Variants in CYB5RL observed in about 807,000 individuals in gnomAD.
CYB5RL encodes the protein cytochrome b5 reductase like, also known as NADH-cytochrome b5 reductase-like.
CYB5RL carries 38 observed loss-of-function variants against 37.5 expected under a neutral mutation model. The observed-to-expected ratio is 1.01, with a 90% CI of 0.78 to 1.33. The LOEUF (loss-of-function observed/expected upper bound fraction) is 1.33, where lower values mean the gene tolerates loss of function less well. Ranked by LOEUF, CYB5RL falls within the 40% of genes most tolerant of loss-of-function variation. CYB5RL has a pLI of 0.00. For synonymous variants in CYB5RL, 141 were observed against 151.9 expected (o/e 0.93, Z 0.53); for missense variants, 388 against 394.4 (o/e 0.98, Z 0.14).
intron 6 of CYB5RL, chr1:54,180,098 G>A (rs1416050306): frequency 2.5e-5 from 11 of 439,150 alleles, no homozygotes; most frequent in South Asian, 8.2e-5. Context: ...TTAGCCAAGC[G>A]TGGTGGTGCA....
chr1:54,183,449 G>A (rs541959141), intron 6 of CYB5RL, among the ~76,000 whole-genome samples: 7 of 152,304 alleles, frequency 4.6e-5, no homozygotes, highest in African/African-American at 1.2e-4. Context: ...AATTCTTACT[G>A]GGAAAGTCGG....
chr1:54,189,649 G>A (rs1444417693), intron 4 of CYB5RL, among the ~76,000 whole-genome samples: 1 of 152,206 alleles, frequency 6.6e-6, no homozygotes. Context: ...AGAGGGTGAA[G>A]GAGGGGAGCC....
chr1:54,179,905 T>C (rs1249669445), intron 6 of CYB5RL: 1 of 453,378 alleles, frequency 2.2e-6, no homozygotes, highest in African/African-American at 2.0e-5. Flanking sequence ...TGAAATAATA[T>C]GCATAAGCAT....
Position 54,174,425 on chromosome 1 carries a change from G to A in CYB5RL, c.*194C>T. ...CCATCCTCCTTCTACATAGTAGGAG[G>A]CCAGGAGGAGTGATTAACCTCATGG... is the stretch of plus-strand genomic sequence containing the variant. On this transcript the variant is annotated 3_prime_UTR_variant, in exon 8 of 8. Coordinates refer to ENST00000534324, the MANE Select transcript of CYB5RL (RefSeq NM_001031672.4). 3 of 634,906 alleles carry A rather than the reference G, an allele frequency of 4.7e-6. No homozygotes were observed. The highest frequency in any genetic ancestry group is 8.2e-6 in the Non-Finnish European group (3 of 368,046). 39.3% of individuals were successfully genotyped at this position (634,906 alleles called of 1,614,324 possible).
intron 3 of CYB5RL, among the ~76,000 whole-genome samples, chr1:54,191,942 G>A (rs1643958173): frequency 6.6e-6 from 1 of 152,148 alleles, no homozygotes; most frequent in South Asian, 2.1e-4. Flanking sequence ...CATATCAATT[G>A]ATCCTCTGGG....
intron 7 of CYB5RL, among the ~76,000 whole-genome samples, chr1:54,177,916 T>C (rs978761368): frequency 2.0e-4 from 30 of 152,106 alleles, no homozygotes; most frequent in African/African-American, 7.2e-4. Flanking sequence ...GGCCAGCAGC[T>C]TGGGGACCCT....
chr1:54,190,651 A>C, intron 4 of CYB5RL, 97 bp downstream of exon 4: 4 of 1,457,304 alleles, frequency 2.7e-6, no homozygotes, highest in Non-Finnish European at 3.7e-6. Flanking sequence ...TGACAAATGG[A>C]GGCTTAAGGG....
At chr1:54,185,223 A>T (rs1400801587) in intron 5 of CYB5RL, 1 of 152,240 alleles carries the variant, frequency 6.6e-6, no homozygotes, top group Non-Finnish European at 1.5e-5. Context: ...AACTAGGAAT[A>T]AACCTGAGAA....
Position 54,195,692 on chromosome 1 carries a change from C to A in CYB5RL, c.-76G>T. On this transcript the variant is annotated 5_prime_UTR_variant, in exon 3 of 8. Coordinates refer to ENST00000534324, the MANE Select transcript of CYB5RL (RefSeq NM_001031672.4). ...AGGCCAGGCTCTATGAGACCACGGG[C>A]GCAGGCCCTGCTCCTTGGCCAGCCT... 6.7e-7 allele frequency: 1 copy of A among 1,486,378 alleles called. No homozygotes were observed. Among genetic ancestry groups the A allele is most frequent in the Non-Finnish European group, 9.0e-7 (1 of 1,107,858 alleles). The allele number at this position is 1,486,378 out of a possible 1,614,324, so 92.1% of individuals were successfully genotyped here.
At chr1:54,199,309 C>G (rs1463027390) in intron 1 of CYB5RL, among the ~76,000 whole-genome samples, 1 of 152,220 alleles carries the variant, frequency 6.6e-6, no homozygotes, top group East Asian at 1.9e-4. Flanking sequence ...AACCCTTGCA[C>G]TCACTGAGCT....
At position 54,198,027 on chromosome 1, in the gene CYB5RL, CA is replaced by C. The variant is rs575486117; in HGVS notation, c.-222-1537del. ...TGGGTGACAGAGTGAGACTCTGTCT[CA>C]AAAAAAAAAAAAAAAAAAAAAAAAA... On this transcript the variant is annotated intron_variant, in intron 1 of 7. Coordinates refer to ENST00000534324, the MANE Select transcript of CYB5RL (RefSeq NM_001031672.4). 2.2e-3 allele frequency among the ~76,000 whole-genome samples: 173 copies of C among 78,486 alleles called. 1 individual carries two copies. The highest frequency in any genetic ancestry group is 8.3e-3 in the Middle Eastern group (1 of 120). The allele number at this position is 78,486 out of a possible 152,430, so 51.5% of individuals were successfully genotyped here.
intron 4 of CYB5RL, among the ~76,000 whole-genome samples, chr1:54,190,119 A>G (rs1032265112): frequency 3.9e-5 from 6 of 152,168 alleles, no homozygotes; most frequent in Non-Finnish European, 8.8e-5. Context: ...TGGACATCCC[A>G]AAGGGTCTTG....
At chr1:54,179,979 C>G in intron 6 of CYB5RL, 1 of 453,908 alleles carries the variant, frequency 2.2e-6, no homozygotes, top group Non-Finnish European at 4.4e-6. Flanking sequence ...GGAGTGGTGG[C>G]TCACACCTAT....
At chr1:54,176,268 C>G (rs921661641) in intron 7 of CYB5RL, among the ~76,000 whole-genome samples, 1 of 152,230 alleles carries the variant, frequency 6.6e-6, no homozygotes, top group African/African-American at 2.4e-5. Context: ...TGCAGTGGCT[C>G]AAGCCTGTAA....
At chr1:54,192,822 T>G (rs1280959071) in intron 3 of CYB5RL, among the ~76,000 whole-genome samples, 1 of 152,010 alleles carries the variant, frequency 6.6e-6, no homozygotes, top group African/African-American at 2.4e-5. Context: ...GTGGTACAAT[T>G]TGGGCTCAAT....
At chr1:54,179,897 A>C (rs893027176) in intron 6 of CYB5RL, 3 of 453,100 alleles carry the variant, frequency 6.6e-6, no homozygotes, top group Non-Finnish European at 1.3e-5. Context: ...AGGCTAAATG[A>C]AATAATATGC....
intron 7 of CYB5RL, among the ~76,000 whole-genome samples, chr1:54,177,267 G>A (rs1361441083): frequency 6.6e-6 from 1 of 152,130 alleles, no homozygotes; most frequent in Non-Finnish European, 1.5e-5. Flanking sequence ...GCCCAGGCAG[G>A]GGAGAGAGCA....
At chr1:54,192,057 TAA>T (rs1036236380) in intron 3 of CYB5RL, among the ~76,000 whole-genome samples, 1 of 152,214 alleles carries the variant, frequency 6.6e-6, no homozygotes, top group Non-Finnish European at 1.5e-5. Context: ...TTATAAAATA[TAA>T]GTTACCATGG....
Position 54,172,793 on chromosome 1 carries a change from G to C in CYB5RL, c.*1826C>G, listed in dbSNP as rs1322102864. The C allele has an allele frequency of 6.6e-6, 1 of 152,290 alleles. No individual in the cohort carries two copies. Among genetic ancestry groups the C allele is most frequent in the African/African-American group, 2.4e-5 (1 of 41,450 alleles). The allele number at this position is 152,290 out of a possible 1,614,324, so 9.4% of individuals were successfully genotyped here. A position where few individuals can be genotyped will look rare whatever the true frequency, so the allele number is the denominator to read the frequency against. On this transcript the variant is annotated 3_prime_UTR_variant, in exon 8 of 8. Coordinates refer to ENST00000534324, the MANE Select transcript of CYB5RL (RefSeq NM_001031672.4). Reference sequence around the variant, plus strand: ...AGTCAATAGGATGTGCAAACTGAGGGAGAGGAAAGGGTGGAGGAAAACTCG... The same window carrying C: ...AGTCAATAGGATGTGCAAACTGAGGCAGAGGAAAGGGTGGAGGAAAACTCG...
Sources: gnomAD v4.1 joint callset for allele counts (sites outside exome capture counted in the v4.1 genomes callset) on GRCh38, gnomAD v4.1.1 for gene constraint, MANE v1.5 for transcripts, NCBI Gene and HGNC (gene_info 2026-07-23, HGNC 2026-07-21) for gene names.